Variants in SGSM3 observed in about 807,000 individuals in gnomAD.
SGSM3 encodes small G protein signaling modulator 3.
Under a neutral mutation model 100.5 loss-of-function variants are expected in SGSM3, and 96 were observed. The ratio of observed to expected loss-of-function variants is 0.96; its 90% CI spans 0.81 to 1.13. The LOEUF (loss-of-function observed/expected upper bound fraction) is 1.13, where lower values mean the gene tolerates loss of function less well. SGSM3 is among the 50% of genes most tolerant of loss of function. SGSM3 has a pLI of 0.00. For missense variants in SGSM3, 1,001 were observed against 1,015.8 expected (o/e 0.99, Z 0.20); for synonymous variants, 483 against 422.8 (o/e 1.14, Z -1.75).
intron 1 of SGSM3, among the ~76,000 whole-genome samples, chr22:40,392,692 A>G (rs1424522868): frequency 6.6e-6 from 1 of 152,222 alleles, no homozygotes; most frequent in Non-Finnish European, 1.5e-5. Flanking sequence ...TATAATTCAT[A>G]TACCATAAAA....
chr22:40,385,106 A>G (rs556786729), intron 1 of SGSM3, among the ~76,000 whole-genome samples: 7 of 152,246 alleles, frequency 4.6e-5, no homozygotes, highest in Non-Finnish European at 1.0e-4. Context: ...TCAAGAAACC[A>G]AAGTAAGTCA....
At chr22:40,384,576 C>T (rs939262541) in intron 1 of SGSM3, among the ~76,000 whole-genome samples, 5 of 152,116 alleles carry the variant, frequency 3.3e-5, no homozygotes, top group African/African-American at 1.2e-4. Context: ...GTCAGGAGAT[C>T]GAGACCATCC....
At chr22:40,384,710 G>C (rs1052235596) in intron 1 of SGSM3, among the ~76,000 whole-genome samples, 3 of 152,234 alleles carry the variant, frequency 2.0e-5, no homozygotes, top group Admixed American at 6.5e-5. Context: ...GGATCTGGGA[G>C]GCGGAGTTTG....
At chr22:40,388,565 A>C (rs2048836338) in intron 1 of SGSM3, among the ~76,000 whole-genome samples, 1 of 152,114 alleles carries the variant, frequency 6.6e-6, no homozygotes, top group African/African-American at 2.4e-5. Context: ...AAGCAAAGGG[A>C]AGGTTTTAAA....
At chr22:40,405,923 A>AGCC in intron 8 of SGSM3, 79 bp downstream of exon 8, 1 of 1,494,556 alleles carries the variant, frequency 6.7e-7, no homozygotes, top group East Asian at 2.3e-5. Context: ...GATAGGGCAC[A>AGCC]GCCCCCCAAC....
At chr22:40,371,853 C>T (rs944253627) in intron 1 of SGSM3, among the ~76,000 whole-genome samples, 3 of 151,924 alleles carry the variant, frequency 2.0e-5, no homozygotes, top group East Asian at 1.9e-4. Flanking sequence ...CCCGCCACCA[C>T]GCCCGGCTAA....
chr22:40,371,914 G>T (rs1347981653), intron 1 of SGSM3, among the ~76,000 whole-genome samples: 3 of 151,738 alleles, frequency 2.0e-5, no homozygotes, highest in Non-Finnish European at 4.4e-5. Context: ...GGCCAGGCTG[G>T]TCTCGAACTC....
Position 40,406,919 on chromosome 22 carries a change from G to C in SGSM3, c.1186-98G>C, listed in dbSNP as rs568807358. The C allele has an allele frequency of 4.9e-6, 6 of 1,225,620 alleles. No homozygotes were observed. The South Asian group carries it at 7.7e-5, about 16-fold the overall frequency. The allele number at this position is 1,225,620 out of a possible 1,614,324, so 75.9% of individuals were successfully genotyped here. A position where few individuals can be genotyped will look rare whatever the true frequency, so the allele number is the denominator to read the frequency against. The stretch of plus-strand genomic sequence containing the variant: ...TCTGTTTTCAATTCTTGGAGCCAGC[G>C]TCAGAGGCTATTTCAGATGAGACAG... On this transcript the variant is annotated intron_variant, in intron 10 of 21. Coordinates refer to ENST00000248929, the MANE Select transcript of SGSM3 (RefSeq NM_015705.6).
Position 40,404,411 on chromosome 22 carries a change from C to G in SGSM3, c.322C>G (p.Arg108Gly). Reference sequence around the variant, plus strand: ...CTCCCTACCCCGCTCTGAGAAGCTCCGCTCCCTGGTGCTGGCCGGCATCCC... The same window carrying G: ...CTCCCTACCCCGCTCTGAGAAGCTCGGCTCCCTGGTGCTGGCCGGCATCCC... Reference protein sequence around the residue: ...AVSLPRSEKLRSLVLAGIPHG... With the variant: ...AVSLPRSEKLGSLVLAGIPHG... The change falls in exon 5 of 22, where the codon CGC becomes GGC. Residue 108 changes from arginine (R) to glycine (G), a missense_variant. By Grantham distance (125) the Arg-to-Gly change is moderately radical (BLOSUM62 -2). Transcript: ENST00000248929. The G allele has an allele frequency of 6.2e-7, 1 of 1,607,880 alleles. No homozygotes were observed.
intron 1 of SGSM3, among the ~76,000 whole-genome samples, chr22:40,390,645 C>T (rs2049227823): frequency 6.6e-6 from 1 of 152,154 alleles, no homozygotes; most frequent in Admixed American, 6.6e-5. Flanking sequence ...GTCCCTGGCA[C>T]TTAGCATGCA....
chr22:40,407,385 C>A lies in SGSM3; in HGVS notation c.1369-28C>A. The A allele has an allele frequency of 6.2e-7, 1 of 1,611,608 alleles. No homozygotes were observed. The highest frequency in any genetic ancestry group is 8.5e-7 in the Non-Finnish European group (1 of 1,178,550). On this transcript the variant is annotated intron_variant, in intron 12 of 21. Transcript: ENST00000248929. The surrounding 1 kb of genome is among the most constrained non-coding windows in gnomAD (Gnocchi z 4.7). ...ACACGGCCCTAACTCCTCCAACCCC[C>A]TTGGTGGGCCTGTGTTCACTGTGGC...
At chr22:40,383,406 G>A (rs150863873) in intron 1 of SGSM3, among the ~76,000 whole-genome samples, 1 of 150,858 alleles carries the variant, frequency 6.6e-6, no homozygotes, top group Non-Finnish European at 1.5e-5. Context: ...GGTGGAGCTC[G>A]CAGTGAGCCG....
At chr22:40,394,032 C>T (rs572844165) in intron 1 of SGSM3, among the ~76,000 whole-genome samples, 1 of 152,336 alleles carries the variant, frequency 6.6e-6, no homozygotes, top group East Asian at 1.9e-4. Flanking sequence ...AATTTTGTTT[C>T]CTGCCTCCTT....
At chr22:40,397,413 T>C (rs982333878) in intron 1 of SGSM3, among the ~76,000 whole-genome samples, 1 of 151,452 alleles carries the variant, frequency 6.6e-6, no homozygotes, top group South Asian at 2.1e-4. Context: ...AAAAAAAAAA[T>C]ATGATAAAAT....
intron 1 of SGSM3, among the ~76,000 whole-genome samples, chr22:40,385,722 G>A (rs1050527233): frequency 3.9e-5 from 6 of 152,216 alleles, no homozygotes; most frequent in South Asian, 2.1e-4. Context: ...TGAAAGTATC[G>A]CTGAAGGAAA....
chr22:40,405,616 G>C (rs754475854), intron 7 of SGSM3, 33 bp from the exon 8 acceptor site: 1 of 1,591,570 alleles, frequency 6.3e-7, no homozygotes, highest in Non-Finnish European at 8.6e-7. Flanking sequence ...CAAAGACCTG[G>C]GTAGAAGGCC....
chr22:40,391,186 C>T (rs1281449360), intron 1 of SGSM3, among the ~76,000 whole-genome samples: 1 of 152,188 alleles, frequency 6.6e-6, no homozygotes, highest in Non-Finnish European at 1.5e-5. Context: ...AAAGCATCCG[C>T]ATCACCTGGG....
chr22:40,384,713 G>A (rs1180472490), intron 1 of SGSM3, among the ~76,000 whole-genome samples: 3 of 152,130 alleles, frequency 2.0e-5, no homozygotes, highest in African/African-American at 4.8e-5. Context: ...TCTGGGAGGC[G>A]GAGTTTGCAG....
At chr22:40,402,357 C>A in intron 4 of SGSM3, 152 bp downstream of exon 4, 1 of 648,862 alleles carries the variant, frequency 1.5e-6, no homozygotes, top group Non-Finnish European at 2.8e-6. Context: ...GTGATACTCT[C>A]ATAAGTATGG....
Sources: allele counts gnomAD v4.1 joint callset (sites outside exome capture counted in the v4.1 genomes callset), GRCh38; gene constraint gnomAD v4.1.1; non-coding constraint Gnocchi (gnomAD v3.1); transcripts MANE v1.5; gene names NCBI Gene and HGNC (gene_info 2026-07-23, HGNC 2026-07-21).